WDR25: variants seen among roughly 807,000 people sequenced by gnomAD.
WDR25 encodes the protein WD repeat domain 25, also known as WD repeat-containing protein 25.
A neutral mutation model predicts 47.7 loss-of-function variants in WDR25; 35 were observed. The ratio of observed to expected loss-of-function variants is 0.73; its 90% CI spans 0.56 to 0.97. The LOEUF (loss-of-function observed/expected upper bound fraction) is 0.97, where lower values mean the gene tolerates loss of function less well. Among genes scored for constraint, WDR25 ranks in the 50% least tolerant of loss-of-function variants. The pLI, the probability that WDR25 is intolerant of heterozygous loss-of-function variation, is 0.00. For synonymous variants in WDR25, 248 were observed against 278.9 expected, an observed-to-expected ratio of 0.89 and a Z score of 1.10; for missense variants, 634 against 704.7, an observed-to-expected ratio of 0.90 and a Z score of 1.14.
chr14:100,473,206 T>A (rs1368070726), intron 3 of WDR25, among the ~76,000 whole-genome samples: 1 of 152,212 alleles, frequency 6.6e-6, no homozygotes, highest in African/African-American at 2.4e-5. Flanking sequence ...CTGCCTGGCC[T>A]GTGTGGAGGT....
chr14:100,527,247 ATC>A (rs1216479982), intron 5 of WDR25, among the ~76,000 whole-genome samples: 2 of 150,950 alleles, frequency 1.3e-5, no homozygotes, highest in Non-Finnish European at 3.0e-5. Context: ...CACCACCGTC[ATC>A]TCTGTCACAC....
intron 5 of WDR25, among the ~76,000 whole-genome samples, chr14:100,526,657 A>G (rs867893651): frequency 2.0e-5 from 3 of 148,346 alleles, no homozygotes; most frequent in Admixed American, 6.7e-5. Flanking sequence ...ACCACCATCA[A>G]CATCACTACC....
At chr14:100,376,592 T>C in intron 1 of WDR25, 97 bp downstream of exon 1, 5 of 1,231,960 alleles carry the variant, frequency 4.1e-6, no homozygotes, top group African/African-American at 1.5e-5. Context: ...TCATAGCCGC[T>C]CGCCTTCCTT....
At chr14:100,431,107 A>G (rs916135489) in intron 2 of WDR25, among the ~76,000 whole-genome samples, 21 of 152,328 alleles carry the variant, frequency 1.4e-4, no homozygotes, top group African/African-American at 4.6e-4. Context: ...GACATTTATT[A>G]TGAAGTGTGT....
In WDR25 at chr14:100,430,467, G is replaced by A. The variant is rs1595529895; in HGVS notation, c.823-37554G>A. ...AATGAAAGCTGCATGAGAGCAAGGA[G>A]AGTGTTTTATCATCAGCACGTCAGA... On this transcript the variant is annotated intron_variant, in intron 2 of 6. Transcript: ENST00000402312. The surrounding 1 kb of genome is among the most constrained non-coding windows in gnomAD (Gnocchi z 4.7). Among the ~76,000 whole-genome samples, 1 of 152,364 alleles carries A rather than the reference G, an allele frequency of 6.6e-6. No individual in the cohort carries two copies. The highest frequency in any genetic ancestry group is 2.4e-5 in the African/African-American group (1 of 41,584).
intron 2 of WDR25, among the ~76,000 whole-genome samples, chr14:100,398,084 C>T (rs148139397): frequency 1.4e-3 from 211 of 152,312 alleles, no homozygotes; most frequent in African/African-American, 4.9e-3. Flanking sequence ...GTGATCCACC[C>T]GCCTTGGCCT....
chr14:100,396,564 C>T (rs1030949188), intron 2 of WDR25, among the ~76,000 whole-genome samples: 2 of 152,188 alleles, frequency 1.3e-5, no homozygotes, highest in African/African-American at 4.8e-5. Context: ...CACAAGTTTG[C>T]CCAGTTCTTG....
intron 2 of WDR25, among the ~76,000 whole-genome samples, chr14:100,408,698 A>C (rs75395028): frequency 0.011 from 1,711 of 152,304 alleles, 31 homozygotes; most frequent in African/African-American, 0.039. Flanking sequence ...TTCTCCTCTG[A>C]AGGGCCGAAA....
At chr14:100,472,339 G>A (rs1595124163) in intron 3 of WDR25, among the ~76,000 whole-genome samples, 1 of 152,246 alleles carries the variant, frequency 6.6e-6, no homozygotes, top group Non-Finnish European at 1.5e-5. Flanking sequence ...GAGGCAGCAC[G>A]CGTGAGAGGG....
At chr14:100,491,597 G>T (rs987523688) in intron 4 of WDR25, among the ~76,000 whole-genome samples, 2 of 152,208 alleles carry the variant, frequency 1.3e-5, no homozygotes, top group South Asian at 2.1e-4. Flanking sequence ...TCGTGTAAGC[G>T]CATGATGTTC....
chr14:100,475,431 G>A (rs1173046781), intron 3 of WDR25, among the ~76,000 whole-genome samples: 5 of 152,108 alleles, frequency 3.3e-5, no homozygotes, highest in Non-Finnish European at 5.9e-5. Context: ...TATTCACAAT[G>A]GAATACTCTA....
At chr14:100,495,749 A>T (rs1190018509) in intron 4 of WDR25, among the ~76,000 whole-genome samples, 2 of 152,200 alleles carry the variant, frequency 1.3e-5, no homozygotes, top group Admixed American at 1.3e-4. Flanking sequence ...ACTTGCTAGG[A>T]CAGAGTTTTG....
At chr14:100,376,841 A>ATATTCCCATTC in intron 1 of WDR25, 1 of 971,136 alleles carries the variant, frequency 1.0e-6, no homozygotes, top group Non-Finnish European at 1.3e-6. Context: ...GTTGAATGGG[A>ATATTCCCATTC]ATATCCTATT....
At chr14:100,487,028 A>G (rs991028628) in intron 4 of WDR25, among the ~76,000 whole-genome samples, 2 of 151,988 alleles carry the variant, frequency 1.3e-5, no homozygotes, top group African/African-American at 4.8e-5. Context: ...TAAAAGCACT[A>G]TTTGGTTTTA....
In WDR25 at chr14:100,381,356, C is replaced by T. The variant is rs971919850; in HGVS notation, c.432C>T (p.Pro144=). The T allele has an allele frequency of 3.1e-6, 5 of 1,614,098 alleles. No individual in the cohort carries two copies. In the African/African-American group the frequency reaches 4.0e-5, roughly 13 times the overall value. ...FKQVKLSRNF[P]KSSFHAQSES... The stretch of plus-strand genomic sequence containing the variant: ...AAGTAAAACTCTCCAGGAACTTTCC[C>T]AAGTCATCTTTCCATGCTCAAAGTG... Residue 144 remains proline (P), a synonymous_variant, in exon 2 of 7, where the codon CCC becomes CCT. Coordinates refer to ENST00000402312, the MANE Select transcript of WDR25 (RefSeq NM_001161476.3).
At chr14:100,427,547 C>G (rs1010491980) in intron 2 of WDR25, among the ~76,000 whole-genome samples, 61 of 152,276 alleles carry the variant, frequency 4.0e-4, no homozygotes, top group African/African-American at 1.4e-3. Flanking sequence ...AGGTGCGGGC[C>G]TTGGAGGCCA....
intron 3 of WDR25, among the ~76,000 whole-genome samples, chr14:100,473,416 C>T (rs772148339): frequency 5.9e-5 from 9 of 152,296 alleles, no homozygotes; most frequent in Non-Finnish European, 1.3e-4. Flanking sequence ...ATGCCCTCCC[C>T]ACGTCTGTTT....
chr14:100,460,779 A>C (rs1899385946), intron 2 of WDR25, among the ~76,000 whole-genome samples: 1 of 152,234 alleles, frequency 6.6e-6, no homozygotes, highest in Admixed American at 6.5e-5. Flanking sequence ...TCCCAGTGAG[A>C]TCAGGAATAG....
chr14:100,499,196 A>C lies in WDR25; in HGVS notation c.1101+15072A>C, dbSNP rs537823053. The stretch of plus-strand genomic sequence containing the variant: ...CACTGACAGTTGGTATCCTTCATTC[A>C]ATTGTTTTATGCATATGTATTTACA... On this transcript the variant is annotated intron_variant, in intron 4 of 6. Transcript: ENST00000402312. The surrounding 1 kb of genome is among the most constrained non-coding windows in gnomAD (Gnocchi z 4.4). Among the ~76,000 whole-genome samples the C allele has an allele frequency of 1.3e-5, 2 of 152,322 alleles. 1 individual carries two copies. The highest frequency in any genetic ancestry group is 4.8e-5 in the African/African-American group (2 of 41,570).
Sources: gnomAD v4.1 joint callset for allele counts (sites outside exome capture counted in the v4.1 genomes callset) on GRCh38, gnomAD v4.1.1 for gene constraint, Gnocchi (gnomAD v3.1) non-coding constraint, MANE v1.5 for transcripts, NCBI Gene and HGNC (gene_info 2026-07-23, HGNC 2026-07-21) for gene names.